SYNE2: variants seen among roughly 807,000 people sequenced by gnomAD.
SYNE2 encodes the protein nesprin-2.
Under a neutral mutation model 856.3 loss-of-function variants are expected in SYNE2, and 431 were observed. The ratio of observed to expected loss-of-function variants is 0.50; its 90% CI spans 0.47 to 0.55. SYNE2 has a LOEUF of 0.55. Among genes scored for constraint, SYNE2 ranks in the 20% least tolerant of loss-of-function variants. The pLI is 0.00. For synonymous variants in SYNE2, 2,923 were observed against 2,872.3 expected (o/e 1.02, Z -0.56); for missense variants, 8,129 against 8,023.2 (o/e 1.01, Z -0.50).
At chr14:64,113,140 C>G (rs769638184) in intron 65 of SYNE2, 25 of 985,420 alleles carry the variant, frequency 2.5e-5, no homozygotes, top group Non-Finnish European at 2.9e-5. Flanking sequence ...TGCTTACTCG[C>G]AGATCGGCTG....
At position 64,057,188 on chromosome 14, in the gene SYNE2, C is replaced by A. The variant is rs142129678; in HGVS notation, c.10067+922C>A. 3.2e-3 allele frequency among the ~76,000 whole-genome samples: 481 copies of A among 152,126 alleles called. 2 individuals carry two copies. Among genetic ancestry groups the A allele is most frequent in the African/African-American group, 0.011 (461 of 41,498 alleles). ...CAGTTAAATTATTATTGAACGTAGT[C>A]ACTCTGTGGTGCTATCAATACTAGA... On this transcript the variant is annotated intron_variant, in intron 49 of 115. Coordinates refer to ENST00000555002, the MANE Select transcript of SYNE2 (RefSeq NM_182914.3).
At position 63,983,772 on chromosome 14, in the gene SYNE2, T is replaced by G. The variant is rs536201389; in HGVS notation, c.2037T>G (p.Asp679Glu). Residue 679 changes from aspartate to glutamate, a missense_variant, in exon 18 of 116, where the codon GAT (aspartate) becomes GAG (glutamate). By Grantham distance (45) the Asp-to-Glu change is conservative. Transcript: ENST00000555002. ...MNLPLMIKKQ[D>E]QPTFDNSGNI... ...TGCCACTGATGATAAAAAAACAGGA[T>G]CAGCCCACTTTTGACAATTCTGGAA... 4.3e-6 allele frequency: 7 copies of G among 1,613,178 alleles called. No individual in the cohort carries two copies. The South Asian group carries it at 7.7e-5, about 18-fold the overall frequency.
chr14:63,952,427 C>T (rs2096177048), intron 7 of SYNE2, among the ~76,000 whole-genome samples: 1 of 152,150 alleles, frequency 6.6e-6, no homozygotes, highest in Admixed American at 6.6e-5. Flanking sequence ...TTACTTTTGC[C>T]ATTGCATTAC....
chr14:64,159,739 A>C (rs991323988), intron 87 of SYNE2, among the ~76,000 whole-genome samples: 1 of 152,210 alleles, frequency 6.6e-6, no homozygotes, highest in Non-Finnish European at 1.5e-5. Flanking sequence ...CGGAAACACC[A>C]AAGTCAGAGG....
chr14:63,919,971 A>AGTTTTTTTTTTTTT (rs2095577549), intron 2 of SYNE2, among the ~76,000 whole-genome samples: 1 of 94,566 alleles, frequency 1.1e-5, no homozygotes. Flanking sequence ...ATAAAAGGTA[A>AGTTTTTTTTTTTTT]GTTTTTTTTT....
In SYNE2 at chr14:63,815,171, CATATATATCCAT is replaced by C. The variant is rs753407006; in HGVS notation, c.-304-37273_-304-37262del. ...ACACATATATATCCATATATATCCA[CATATATATCCAT>C]ATATATATCCATATATATATCCATA... On this transcript the variant is annotated intron_variant, in intron 1 of 23. Transcript: ENST00000674003. Among the ~76,000 whole-genome samples, 259 of 72,300 alleles carry C rather than the reference CATATATATCCAT, an allele frequency of 3.6e-3. 5 individuals carry two copies. The highest frequency in any genetic ancestry group is 9.5e-3 in the African/African-American group (244 of 25,576). The allele number at this position is 72,300 out of a possible 152,430, so 47.4% of individuals were successfully genotyped here. A position where few individuals can be genotyped will look rare whatever the true frequency, so the allele number is the denominator to read the frequency against.
chr14:63,836,584 T>G (rs1013471450), intron 1 of SYNE2, among the ~76,000 whole-genome samples: 8 of 152,222 alleles, frequency 5.3e-5, no homozygotes, highest in Non-Finnish European at 8.8e-5. Flanking sequence ...TTTCCTTCAC[T>G]GACACCCTAA....
chr14:63,768,884 G>C (rs1039575349), intron 1 of SYNE2, among the ~76,000 whole-genome samples: 5 of 151,930 alleles, frequency 3.3e-5, no homozygotes. Flanking sequence ...TTTTCAGACA[G>C]GCACCTAGAT....
In SYNE2 at chr14:64,115,441, C is replaced by T. The variant is rs79548807; in HGVS notation, c.12840+1870C>T. Among the ~76,000 whole-genome samples the T allele has an allele frequency of 9.1e-4, 138 of 152,142 alleles. 3 individuals carry two copies. The East Asian group carries it at 0.021, about 23-fold the overall frequency. On this transcript the variant is annotated intron_variant, in intron 66 of 115. Coordinates refer to ENST00000555002, the MANE Select transcript of SYNE2 (RefSeq NM_182914.3). ...ACGGAGAGGGAACTTATGTGTCTAG[C>T]GATGTCTCAGCACAGTGGAGGGTCT... is the stretch of plus-strand genomic sequence containing the variant.
At chr14:64,205,226 G>A (rs2098599713) in intron 100 of SYNE2, among the ~76,000 whole-genome samples, 1 of 151,814 alleles carries the variant, frequency 6.6e-6, no homozygotes, top group Non-Finnish European at 1.5e-5. Context: ...GGGGTTGGGG[G>A]GTGTCATTGT....
At chr14:64,132,967 C>T (rs901858075) in intron 77 of SYNE2, among the ~76,000 whole-genome samples, 6 of 151,944 alleles carry the variant, frequency 3.9e-5, no homozygotes, top group South Asian at 2.1e-4. Flanking sequence ...CTTTGGGAGG[C>T]GGAGGGGGGC....
At position 64,126,649 on chromosome 14, in the gene SYNE2, G is replaced by A. The variant is rs1567380855; in HGVS notation, c.13759G>A (p.Gly4587Ser). 1 of 1,614,186 alleles carries A rather than the reference G, an allele frequency of 6.2e-7. No homozygotes were observed. ...TTATTTAGCGCTAAGTGACAAGAAG[G>A]GTGATCTTTTGAAAGCCATGACTTG... is the stretch of plus-strand genomic sequence containing the variant. ...KLYLALSDKK[G>S]DLLKAMTWPG... is the part of the protein sequence containing the mutation. The change falls in exon 73 of 116, where the codon GGT (glycine) becomes AGT (serine). Residue 4587 changes from glycine (G) to serine (S), a missense_variant. By Grantham distance (56) the Gly-to-Ser change is moderately conservative. Transcript: ENST00000555002.
At chr14:63,982,599 T>G in intron 16 of SYNE2, 31 bp from the exon 17 acceptor site, 2 of 1,603,552 alleles carry the variant, frequency 1.2e-6, no homozygotes, top group African/African-American at 2.7e-5. Context: ...ATCGTGTCAT[T>G]AAGATAGTGT....
Position 64,093,356 on chromosome 14 carries a change from TA to T in SYNE2, c.11988del (p.Lys3996AsnfsTer10). ...QEQNELLKVV[I>X]KQTNEWDEEI... ...GTGGGGGTTATTTTATAGGTAGTCA[TA>T]AAACAGACCAATGAATGGGATGAAG... On this transcript the variant is annotated frameshift_variant, in exon 61 of 116. Coordinates refer to ENST00000555002, the MANE Select transcript of SYNE2 (RefSeq NM_182914.3). LOFTEE classifies it high-confidence loss of function. The T allele has an allele frequency of 1.2e-6, 2 of 1,613,930 alleles. No individual in the cohort carries two copies. Among genetic ancestry groups the T allele is most frequent in the Non-Finnish European group, 1.7e-6 (2 of 1,179,842 alleles).
intron 42 of SYNE2, 104 bp downstream of exon 42, chr14:64,026,834 A>G (rs1174284584): frequency 2.9e-6 from 4 of 1,397,152 alleles, no homozygotes; most frequent in Non-Finnish European, 4.0e-6. Context: ...TATCTGCTAG[A>G]GAGAAAGTTG....
At chr14:63,818,921 A>G (rs983410522) in intron 1 of SYNE2, among the ~76,000 whole-genome samples, 1 of 151,154 alleles carries the variant, frequency 6.6e-6, no homozygotes, top group Admixed American at 6.6e-5. Flanking sequence ...GATGGTCTCG[A>G]TCTCCTGACT....
chr14:64,096,874 A>G (rs2097681979), intron 61 of SYNE2, among the ~76,000 whole-genome samples: 1 of 152,232 alleles, frequency 6.6e-6, no homozygotes, highest in Non-Finnish European at 1.5e-5. Context: ...ATGAACTGAC[A>G]GCAAGAAAGG....
chr14:64,192,295 C>T (rs115183164), intron 99 of SYNE2, among the ~76,000 whole-genome samples: 335 of 152,122 alleles, frequency 2.2e-3, no homozygotes, highest in African/African-American at 7.6e-3. Flanking sequence ...TAAGTCTTCT[C>T]GGGCCCTTGG....
intron 63 of SYNE2, 42 bp downstream of exon 63, chr14:64,098,863 AT>A (rs2097698483): frequency 6.3e-7 from 1 of 1,594,446 alleles, no homozygotes; most frequent in African/African-American, 1.3e-5. Flanking sequence ...TTAGAACCAG[AT>A]CTCTAAAAGA....
Sources: allele counts gnomAD v4.1 joint callset (sites outside exome capture counted in the v4.1 genomes callset), GRCh38; gene constraint gnomAD v4.1.1; transcripts MANE v1.5; gene names NCBI Gene and HGNC (gene_info 2026-07-23, HGNC 2026-07-21).